The following SH3GL1 variants were observed in gnomAD, a reference collection of about 807,000 sequenced individuals.
The protein encoded by SH3GL1 is SH3 domain containing GRB2 like 1, endophilin A2, also known as endophilin-A2.
In SH3GL1, 21 loss-of-function variants were observed where a neutral mutation model predicts 48.8. The ratio of observed to expected loss-of-function variants is 0.43; its 90% CI spans 0.30 to 0.62. The LOEUF (loss-of-function observed/expected upper bound fraction) is 0.62, where lower values mean the gene tolerates loss of function less well. Ranked by LOEUF, SH3GL1 falls within the 20% of genes least tolerant of loss-of-function variation. The pLI, the probability that SH3GL1 is intolerant of heterozygous loss-of-function variation, is 0.11. For synonymous variants in SH3GL1, 282 were observed against 217.5 expected (o/e 1.30, Z -2.61); for missense variants, 454 against 503.0 (o/e 0.90, Z 0.93).
chr19:4,382,206 G>A (rs948261705), intron 1 of SH3GL1, among the ~76,000 whole-genome samples: 3 of 149,906 alleles, frequency 2.0e-5, no homozygotes, highest in Non-Finnish European at 3.0e-5. Flanking sequence ...TCTCTCTTCC[G>A]TTGTCTCAGC....
chr19:4,365,608 T>G lies in SH3GL1; in HGVS notation c.205A>C (p.Thr69Pro). The G allele has an allele frequency of 6.2e-7, 1 of 1,614,128 alleles. No individual in the cohort carries two copies. The highest frequency in any genetic ancestry group is 8.5e-7 in the Non-Finnish European group (1 of 1,180,022). The change falls in exon 4 of 10, where the codon ACC (threonine) becomes CCC (proline). Residue 69 changes from threonine to proline, a missense_variant. Transcript: ENST00000269886. ...QPNPASRAKL[T>P]MLNTVSKIRG... ...ATCTTGGACACCGTGTTGAGCATGGTCAGCTTAGCCCGCGAGGCTGGGATA... is the reference window on the plus strand; with the variant it reads ...ATCTTGGACACCGTGTTGAGCATGGGCAGCTTAGCCCGCGAGGCTGGGATA...
At chr19:4,388,427 C>T (rs145511404) in intron 1 of SH3GL1, among the ~76,000 whole-genome samples, 10 of 152,120 alleles carry the variant, frequency 6.6e-5, no homozygotes, top group African/African-American at 1.7e-4. Context: ...AGAGGGGCAG[C>T]GGAAGCACAG....
intron 1 of SH3GL1, among the ~76,000 whole-genome samples, chr19:4,390,982 G>A (rs1355829514): frequency 6.6e-6 from 1 of 152,196 alleles, no homozygotes; most frequent in Non-Finnish European, 1.5e-5. Flanking sequence ...AAACAATCAC[G>A]GAGGAGGAAA....
rs1599599396 is a variant in SH3GL1 at position 4,370,461 on chromosome 19, T to C, written c.46-3467A>G. Among the ~76,000 whole-genome samples, 5 of 151,944 alleles carry C rather than the reference T, an allele frequency of 3.3e-5. No homozygotes were observed. The South Asian group carries it at 6.2e-4, about 19-fold the overall frequency. On this transcript the variant is annotated intron_variant, in intron 1 of 9. Transcript: ENST00000269886. Reference sequence around the variant, plus strand: ...CCAGGGACCCAACAGGGCTCAGGGGTGAGACCACCCTCCGCTGACTGAACC... The same window carrying C: ...CCAGGGACCCAACAGGGCTCAGGGGCGAGACCACCCTCCGCTGACTGAACC...
Position 4,367,942 on chromosome 19 carries a change from C to T in SH3GL1, c.46-948G>A, listed in dbSNP as rs243257. Among the ~76,000 whole-genome samples, 1,046 of 152,184 alleles carry T rather than the reference C, an allele frequency of 6.9e-3. 9 individuals carry two copies. Among genetic ancestry groups the T allele is most frequent in the Non-Finnish European group, 9.4e-3 (639 of 67,994 alleles). ...CAGCACACAGCGCTTCATGAAGAGCCGAGTGGCTGCCAGGCCCTGCCACAA... is the reference window on the plus strand; with the variant it reads ...CAGCACACAGCGCTTCATGAAGAGCTGAGTGGCTGCCAGGCCCTGCCACAA... On this transcript the variant is annotated intron_variant, in intron 1 of 9. Coordinates refer to ENST00000269886, the MANE Select transcript of SH3GL1 (RefSeq NM_003025.4). The surrounding 1 kb of genome is among the most constrained non-coding windows in gnomAD (Gnocchi z 4.2).
chr19:4,361,381 G>C lies in SH3GL1; in HGVS notation c.*219C>G. The C allele has an allele frequency of 3.6e-6, 2 of 563,138 alleles. No homozygotes were observed. The highest frequency in any genetic ancestry group is 6.0e-5 in the East Asian group (2 of 33,338). 34.9% of individuals were successfully genotyped at this position (563,138 alleles called of 1,614,324 possible). On this transcript the variant is annotated 3_prime_UTR_variant, in exon 10 of 10. Coordinates refer to ENST00000269886, the MANE Select transcript of SH3GL1 (RefSeq NM_003025.4). ...GTGGGGAAGGGAGCCGTCACCGTTG[G>C]GAGTCAGCGCTAGTGTAAACAGGCA... is the stretch of plus-strand genomic sequence containing the variant.
intron 4 of SH3GL1, chr19:4,364,622 G>C (rs940755845): frequency 3.9e-6 from 1 of 256,220 alleles, no homozygotes; most frequent in Non-Finnish European, 7.7e-6. Flanking sequence ...ATAGAGACGG[G>C]GTTTCACCAT....
chr19:4,364,065 C>G lies in SH3GL1; in HGVS notation c.465+23G>C. ...ATCCGGCAGGGGGAAGGGACAGGCC[C>G]CAGGCTGGCGCAGGAGCAGCACCTG... On this transcript the variant is annotated intron_variant, in intron 5 of 9. Transcript: ENST00000269886. 1.2e-6 allele frequency: 2 copies of G among 1,611,728 alleles called. 1 individual carries two copies. Among genetic ancestry groups the G allele is most frequent in the Non-Finnish European group, 1.7e-6 (2 of 1,180,012 alleles).
chr19:4,362,546 G>C (rs2144855812), intron 8 of SH3GL1, 66 bp downstream of exon 8: 1 of 1,606,738 alleles, frequency 6.2e-7, no homozygotes, highest in East Asian at 2.2e-5. Context: ...CCCAGGACAG[G>C]GCCAGCCCTT....
intron 8 of SH3GL1, 52 bp from the exon 9 acceptor site, chr19:4,362,437 C>A: frequency 6.3e-7 from 1 of 1,586,610 alleles, no homozygotes. Flanking sequence ...TCGGGCAGGG[C>A]CCCTTCTGCA....
chr19:4,364,866 TTG>T (rs373324973), intron 4 of SH3GL1, among the ~76,000 whole-genome samples: 45 of 97,130 alleles, frequency 4.6e-4, no homozygotes, highest in African/African-American at 1.3e-3. Context: ...ACCCGGCTAA[TTG>T]TGTGTGTGTG....
At chr19:4,369,038 C>T (rs999602819) in intron 1 of SH3GL1, among the ~76,000 whole-genome samples, 1 of 152,070 alleles carries the variant, frequency 6.6e-6, no homozygotes, top group African/African-American at 2.4e-5. Flanking sequence ...AGCCACTGCA[C>T]TCCAGCCTAG....
intron 1 of SH3GL1, among the ~76,000 whole-genome samples, chr19:4,386,832 G>A (rs1568419593): frequency 1.3e-5 from 2 of 152,214 alleles, no homozygotes; most frequent in Non-Finnish European, 1.5e-5. Flanking sequence ...AAAAGGCAAC[G>A]TGCCTTCCGT....
chr19:4,384,283 T>A (rs1208069039), intron 1 of SH3GL1, among the ~76,000 whole-genome samples: 5 of 152,196 alleles, frequency 3.3e-5, no homozygotes, highest in Non-Finnish European at 4.4e-5. Flanking sequence ...GAGCTAACCC[T>A]GAGCTGGGAG....
chr19:4,383,389 TTTA>T (rs925755300), intron 1 of SH3GL1, among the ~76,000 whole-genome samples: 3 of 151,874 alleles, frequency 2.0e-5, no homozygotes, highest in African/African-American at 7.3e-5. Context: ...TATTTTTTTT[TTTA>T]TTTTTTATTT....
At chr19:4,399,509 G>A (rs1457619737) in intron 1 of SH3GL1, among the ~76,000 whole-genome samples, 1 of 151,966 alleles carries the variant, frequency 6.6e-6, no homozygotes, top group African/African-American at 2.4e-5. Flanking sequence ...TGATTCTAAG[G>A]GGACACACGG....
intron 1 of SH3GL1, among the ~76,000 whole-genome samples, chr19:4,387,841 G>A (rs1973264825): frequency 6.6e-6 from 1 of 151,918 alleles, no homozygotes; most frequent in Admixed American, 6.6e-5. Context: ...GCATTACTAC[G>A]CCCGACGAAT....
intron 1 of SH3GL1, among the ~76,000 whole-genome samples, chr19:4,386,444 T>C (rs900575433): frequency 3.9e-5 from 6 of 152,004 alleles, no homozygotes; most frequent in Non-Finnish European, 8.8e-5. Flanking sequence ...AGGAAGATAT[T>C]TGCATTACTG....
Position 4,365,480 on chromosome 19 carries a change from A to C in SH3GL1, c.331+2T>G. 1 of 1,613,530 alleles carries C rather than the reference A, an allele frequency of 6.2e-7. No homozygotes were observed. Among genetic ancestry groups the C allele is most frequent in the Non-Finnish European group, 8.5e-7 (1 of 1,180,008 alleles). The stretch of plus-strand genomic sequence containing the variant: ...GCGTGGCTTCCAGAGAGCACCACTC[A>C]CCAAAGTTGGACTCGCCGCCCAGCT... On this transcript the variant is annotated splice_donor_variant, in intron 4 of 9. Coordinates refer to ENST00000269886, the MANE Select transcript of SH3GL1 (RefSeq NM_003025.4). LOFTEE classifies it high-confidence loss of function.
Sources: allele counts gnomAD v4.1 joint callset (sites outside exome capture counted in the v4.1 genomes callset), GRCh38; gene constraint gnomAD v4.1.1; non-coding constraint Gnocchi (gnomAD v3.1); transcripts MANE v1.5; gene names NCBI Gene and HGNC (gene_info 2026-07-23, HGNC 2026-07-21).